The following ARID3A variants were observed in gnomAD, a reference collection of about 807,000 sequenced individuals.
The protein encoded by ARID3A is AT-rich interactive domain-containing protein 3A.
A neutral mutation model predicts 52.7 loss-of-function variants in ARID3A; 11 were observed. The observed-to-expected ratio is 0.21, with a 90% CI of 0.13 to 0.35. The LOEUF is 0.35. Among genes scored for constraint, ARID3A ranks in the 10% least tolerant of loss-of-function variants. The pLI is 1.00. For synonymous variants in ARID3A, 404 were observed against 359.4 expected (o/e 1.12, Z -1.40); for missense variants, 721 against 838.5 (o/e 0.86, Z 1.73).
In ARID3A at chr19:960,620, TCTC is replaced by T. The variant is rs986458578; in HGVS notation, c.766+457_766+459del. Among the ~76,000 whole-genome samples, 3 of 151,800 alleles carry T rather than the reference TCTC, an allele frequency of 2.0e-5. No homozygotes were observed. The highest frequency in any genetic ancestry group is 7.3e-5 in the African/African-American group (3 of 41,298). On this transcript the variant is annotated intron_variant, in intron 4 of 8. Coordinates refer to ENST00000263620, the MANE Select transcript of ARID3A (RefSeq NM_005224.3). The surrounding 1 kb of genome is among the most constrained non-coding windows in gnomAD (Gnocchi z 4.3). ...CGCGAGATGGCTTAGAGTCTAATGATCTCATGGCGGCCAATGCGACATTTGAGT... is the reference window on the plus strand; with the variant it reads ...CGCGAGATGGCTTAGAGTCTAATGATATGGCGGCCAATGCGACATTTGAGT...
At position 959,900 on chromosome 19, in the gene ARID3A, G is replaced by A. The variant is rs114697228; in HGVS notation, c.694-192G>A. 9.8e-3 allele frequency among the ~76,000 whole-genome samples: 1,486 copies of A among 152,248 alleles called. 15 individuals carry two copies. Among genetic ancestry groups the A allele is most frequent in the African/African-American group, 0.032 (1,327 of 41,526 alleles). The stretch of plus-strand genomic sequence containing the variant: ...AGACCCTCTGGGAAGCTCGTTCACC[G>A]GCATTTCTGTCTTGCAGCCTTGTGG... On this transcript the variant is annotated intron_variant, in intron 3 of 8. Transcript: ENST00000263620. This position sits in a 1 kb window ranked among gnomAD's most constrained non-coding sequence, Gnocchi z 5.0.
rs756678274 is a variant in ARID3A, at chr19:964,964, A to G, written c.1082A>G (p.Tyr361Cys). 1 of 1,613,692 alleles carries G rather than the reference A, an allele frequency of 6.2e-7. No homozygotes were observed. The highest frequency in any genetic ancestry group is 1.1e-5 in the South Asian group (1 of 91,076). ...AGCTTTGGTGGCTCCCTCTTTGCCT[A>G]CTCGCCAGGCGGGGCACACGGCATG... is the stretch of plus-strand genomic sequence containing the variant. ...RQSFGGSLFA[Y>C]SPGGAHGMLS... is the part of the protein sequence containing the mutation. Residue 361 changes from tyrosine (Y) to cysteine (C), a missense_variant, in exon 6 of 9, where the codon TAC becomes TGC. Tyr to Cys is a radical substitution (Grantham distance 194). Around this residue, in one of 5 missense-constraint regions of ARID3A, gnomAD observed 297 missense variants for 343.2 expected, o/e 0.87. Coordinates refer to ENST00000263620, the MANE Select transcript of ARID3A (RefSeq NM_005224.3). The surrounding 1 kb of genome is among the most constrained non-coding windows in gnomAD (Gnocchi z 5.7).
At chr19:969,921 G>T (rs1442980484) in intron 8 of ARID3A, among the ~76,000 whole-genome samples, 1 of 151,860 alleles carries the variant, frequency 6.6e-6, no homozygotes, top group African/African-American at 2.4e-5. Context: ...TTGGACTCTT[G>T]ACCTCAGGTG....
chr19:957,885 C>T (rs113291421), intron 3 of ARID3A, among the ~76,000 whole-genome samples: 10,144 of 151,144 alleles, frequency 0.067, 515 homozygotes, highest in South Asian at 0.17. Context: ...CTGTGGCAGG[C>T]GGATCACTTG....
At position 929,813 on chromosome 19, in the gene ARID3A, G is replaced by A; in HGVS notation, c.285G>A (p.Arg95=). 6.5e-7 allele frequency: 1 copy of A among 1,546,258 alleles called. No homozygotes were observed. Among genetic ancestry groups the A allele is most frequent in the East Asian group, 2.4e-5 (1 of 41,286 alleles). Residue 95 remains arginine, a synonymous_variant, in exon 2 of 9, where the codon CGG becomes CGA. Coordinates refer to ENST00000263620, the MANE Select transcript of ARID3A (RefSeq NM_005224.3). The surrounding 1 kb of genome is among the most constrained non-coding windows in gnomAD (Gnocchi z 6.2). ...PPGSEEEDAA[R]EGTPGSPGRG... ...GCTCGGAGGAGGAGGACGCGGCCCG[G>A]GAGGGGACACCGGGCTCACCCGGGC...
At chr19:949,816 C>G (rs149121477) in intron 3 of ARID3A, among the ~76,000 whole-genome samples, 2,256 of 151,966 alleles carry the variant, frequency 0.015, 47 homozygotes, top group African/African-American at 0.049. Context: ...GCTGGAATTA[C>G]AGGGGTTCAC....
rs537470392 is a variant in ARID3A, at chr19:947,937, G to A, written c.694-12155G>A. 6.6e-6 allele frequency among the ~76,000 whole-genome samples: 1 copy of A among 152,180 alleles called. No individual in the cohort carries two copies. The highest frequency in any genetic ancestry group is 6.5e-5 in the Admixed American group (1 of 15,280). ...TGCTGACGGGAATTGAAAGGACCTC[G>A]TGGCTTAGGCAGGCGGGGGAGCCCC... On this transcript the variant is annotated intron_variant, in intron 3 of 8. Coordinates refer to ENST00000263620, the MANE Select transcript of ARID3A (RefSeq NM_005224.3). This position sits in a 1 kb window ranked among gnomAD's most constrained non-coding sequence, Gnocchi z 6.3.
intron 7 of ARID3A, among the ~76,000 whole-genome samples, 198 bp downstream of exon 7, chr19:967,066 T>G (rs757978111): frequency 2.0e-5 from 3 of 152,078 alleles, no homozygotes; most frequent in Non-Finnish European, 4.4e-5. Context: ...GAGATCAGCC[T>G]GGGCAACATG....
rs2038294960 is a variant in ARID3A at position 972,250 on chromosome 19, CG to C, written c.*186del. On this transcript the variant is annotated 3_prime_UTR_variant, in exon 9 of 9. Coordinates refer to ENST00000263620, the MANE Select transcript of ARID3A (RefSeq NM_005224.3). ...ATATATATATATATATATATATACA[CG>C]TATATATATAAAGAGAATTTAATAA... 1 of 186,462 alleles carries C rather than the reference CG, an allele frequency of 5.4e-6. No individual in the cohort carries two copies. The highest frequency in any genetic ancestry group is 1.0e-5 in the Non-Finnish European group (1 of 96,790). The allele number at this position is 186,462 out of a possible 1,614,324, so 11.6% of individuals were successfully genotyped here. A position where few individuals can be genotyped will look rare whatever the true frequency, so the allele number is the denominator to read the frequency against.
In ARID3A at chr19:975,871, C is replaced by T. The variant is rs559143453; in HGVS notation, c.*3806C>T. 6.2e-4 allele frequency: 113 copies of T among 183,580 alleles called. No homozygotes were observed. The highest frequency in any genetic ancestry group is 2.2e-3 in the African/African-American group (94 of 42,414). The allele number at this position is 183,580 out of a possible 1,614,324, so 11.4% of individuals were successfully genotyped here. Reference sequence around the variant, plus strand: ...ATTTAAACTTCAGAAATATTTAAGACGATTGTAACCCTGTAAAGCTGATGA... The same window carrying T: ...ATTTAAACTTCAGAAATATTTAAGATGATTGTAACCCTGTAAAGCTGATGA... On this transcript the variant is annotated 3_prime_UTR_variant, in exon 9 of 9. Transcript: ENST00000263620.
In ARID3A at chr19:974,885, G is replaced by A. The variant is rs1173190048; in HGVS notation, c.*2820G>A. 7 of 199,888 alleles carry A rather than the reference G, an allele frequency of 3.5e-5. No homozygotes were observed. Among genetic ancestry groups the A allele is most frequent in the Admixed American group, 2.4e-4 (4 of 16,566 alleles). The allele number at this position is 199,888 out of a possible 1,614,324, so 12.4% of individuals were successfully genotyped here. ...CAGGCGGGGTGGGTGGGGGGTGGGC[G>A]CGAGGCTGGGTCCCGGCCCAGGAGA... On this transcript the variant is annotated 3_prime_UTR_variant, in exon 9 of 9. Coordinates refer to ENST00000263620, the MANE Select transcript of ARID3A (RefSeq NM_005224.3).
rs1032534456 is a variant in ARID3A, at chr19:973,931, C to T, written c.*1866C>T. 8 of 230,648 alleles carry T rather than the reference C, an allele frequency of 3.5e-5. No homozygotes were observed. The highest frequency in any genetic ancestry group is 2.6e-3 in the Middle Eastern group (2 of 780). 14.3% of individuals were successfully genotyped at this position (230,648 alleles called of 1,614,324 possible). ...TTCGTTGGACCCGCGTGGTGTTGGG[C>T]GGGGCTGTCGTGTCCTACACGGGAG... On this transcript the variant is annotated 3_prime_UTR_variant, in exon 9 of 9. Coordinates refer to ENST00000263620, the MANE Select transcript of ARID3A (RefSeq NM_005224.3).
rs961914894 is a variant in ARID3A at position 955,988 on chromosome 19, G to C, written c.694-4104G>C. Among the ~76,000 whole-genome samples, 4 of 152,242 alleles carry C rather than the reference G, an allele frequency of 2.6e-5. No individual in the cohort carries two copies. In the South Asian group the frequency reaches 8.3e-4, roughly 32 times the overall value. Reference sequence around the variant, plus strand: ...CTTCCGCCTCTCCCAGCTCCTGGGGGCTCCAGGAGTCCCTTGACATGTGGC... The same window carrying C: ...CTTCCGCCTCTCCCAGCTCCTGGGGCCTCCAGGAGTCCCTTGACATGTGGC... On this transcript the variant is annotated intron_variant, in intron 3 of 8. Transcript: ENST00000263620.
intron 3 of ARID3A, among the ~76,000 whole-genome samples, chr19:952,396 C>T (rs1383166444): frequency 5.6e-5 from 7 of 124,618 alleles, no homozygotes; most frequent in South Asian, 2.7e-4. Context: ...GAGCTGTGAT[C>T]GTGCCAGTGC....
Position 947,448 on chromosome 19 carries a change from C to T in ARID3A, c.694-12644C>T, listed in dbSNP as rs541340678. 6.6e-6 allele frequency among the ~76,000 whole-genome samples: 1 copy of T among 152,322 alleles called. No homozygotes were observed. Among genetic ancestry groups the T allele is most frequent in the Admixed American group, 6.5e-5 (1 of 15,300 alleles). ...TCGCTGCCGTCCTGGACTCGTGGGC[C>T]TCAGTTTCCCCAACTGTGAAACGGG... On this transcript the variant is annotated intron_variant, in intron 3 of 8. Coordinates refer to ENST00000263620, the MANE Select transcript of ARID3A (RefSeq NM_005224.3). This position sits in a 1 kb window ranked among gnomAD's most constrained non-coding sequence, Gnocchi z 6.3.
chr19:973,133 A>ATTTTTTTTTTTTTTTT lies in ARID3A; in HGVS notation c.*1068_*1069insTTTTTTTTTTTTTTTT, dbSNP rs2038317421. 1.4e-4 allele frequency: 1 copy of ATTTTTTTTTTTTTTTT among 7,166 alleles called. No homozygotes were observed. The allele number at this position is 7,166 out of a possible 1,614,324, so 0.4% of individuals were successfully genotyped here. A position where few individuals can be genotyped will look rare whatever the true frequency, so the allele number is the denominator to read the frequency against. ...TTTTTTTTTTTTTTTTTTGAGACGGAGTTTTGCTCTTGTCGCCCAGGCTGG... is the reference window on the plus strand; with the variant it reads ...TTTTTTTTTTTTTTTTTTGAGACGGATTTTTTTTTTTTTTTTGTTTTGCTCTTGTCGCCCAGGCTGG... On this transcript the variant is annotated 3_prime_UTR_variant, in exon 9 of 9. Coordinates refer to ENST00000263620, the MANE Select transcript of ARID3A (RefSeq NM_005224.3).
intron 2 of ARID3A, among the ~76,000 whole-genome samples, chr19:930,353 A>G (rs1464188109): frequency 2.0e-5 from 3 of 151,676 alleles, no homozygotes; most frequent in Non-Finnish European, 2.9e-5. Context: ...GGAGCTCAAG[A>G]CCAGCCCGGC....
At chr19:971,846 T>G in intron 8 of ARID3A, 32 bp from the exon 9 acceptor site, 1 of 1,576,804 alleles carries the variant, frequency 6.3e-7, no homozygotes, top group Non-Finnish European at 8.6e-7. Context: ...TCTTAAACTC[T>G]GCATGGCATA....
rs181467608 is a variant in ARID3A at position 947,324 on chromosome 19, T to C, written c.694-12768T>C. 5.9e-5 allele frequency among the ~76,000 whole-genome samples: 9 copies of C among 152,192 alleles called. No homozygotes were observed. Among genetic ancestry groups the C allele is most frequent in the Non-Finnish European group, 1.2e-4 (8 of 68,000 alleles). ...GCGGGCCCCAGATTTCCACGTCATATCTCGCCGCCATGGGGCTGCCTCCTG... is the reference window on the plus strand; with the variant it reads ...GCGGGCCCCAGATTTCCACGTCATACCTCGCCGCCATGGGGCTGCCTCCTG... On this transcript the variant is annotated intron_variant, in intron 3 of 8. Transcript: ENST00000263620. The surrounding 1 kb of genome is among the most constrained non-coding windows in gnomAD (Gnocchi z 6.3).
Sources: gnomAD v4.1 joint callset for allele counts (sites outside exome capture counted in the v4.1 genomes callset) on GRCh38, gnomAD v4.1.1 for gene constraint, gnomAD v4.1.1 regional missense constraint, Gnocchi (gnomAD v3.1) non-coding constraint, MANE v1.5 for transcripts, NCBI Gene and HGNC (gene_info 2026-07-23, HGNC 2026-07-21) for gene names.